Variants in SEPTIN9 observed in about 807,000 individuals in gnomAD.
The protein encoded by SEPTIN9 is septin-9.
A neutral mutation model predicts 56.6 loss-of-function variants in SEPTIN9; 13 were observed. The observed-to-expected ratio is 0.23, with a 90% CI of 0.15 to 0.37. The LOEUF is 0.37. Ranked by LOEUF, SEPTIN9 falls within the 10% of genes least tolerant of loss-of-function variation. The pLI is 1.00. For synonymous variants in SEPTIN9, 332 were observed against 334.1 expected (o/e 0.99, Z 0.07); for missense variants, 650 against 823.1 (o/e 0.79, Z 2.57).
At chr17:77,438,970 T>C (rs185729470) in intron 3 of SEPTIN9, among the ~76,000 whole-genome samples, 185 of 152,296 alleles carry the variant, frequency 1.2e-3, no homozygotes, top group African/African-American at 4.2e-3. Context: ...ATTTCCCCTT[T>C]TGACAAATGA....
chr17:77,335,978 A>G (rs2033536755), intron 2 of SEPTIN9, among the ~76,000 whole-genome samples: 1 of 109,014 alleles, frequency 9.2e-6, no homozygotes, highest in East Asian at 3.0e-4. Context: ...TGTTGACTGT[A>G]TATGTGGTCC....
In SEPTIN9 at chr17:77,330,175, C is replaced by T. The variant is rs909612444; in HGVS notation, c.76+22978C>T. 6.6e-6 allele frequency among the ~76,000 whole-genome samples: 1 copy of T among 152,214 alleles called. No individual in the cohort carries two copies. The highest frequency in any genetic ancestry group is 2.4e-5 in the African/African-American group (1 of 41,454). On this transcript the variant is annotated intron_variant, in intron 2 of 11. Transcript: ENST00000427177. This position sits in a 1 kb window ranked among gnomAD's most constrained non-coding sequence, Gnocchi z 4.4. ...CGCTGGGTGTTCCTGATGCTCTGTC[C>T]CCTCTGCGTCCTGTGCCGTGGGTGA...
At chr17:77,493,602 G>A (rs1254642399) in intron 10 of SEPTIN9, among the ~76,000 whole-genome samples, 1 of 152,070 alleles carries the variant, frequency 6.6e-6, no homozygotes, top group Non-Finnish European at 1.5e-5. Context: ...GAAATCAGGG[G>A]CTGTTTCCTT....
At chr17:77,395,066 G>A (rs2035660412) in intron 2 of SEPTIN9, among the ~76,000 whole-genome samples, 2 of 147,668 alleles carry the variant, frequency 1.4e-5, no homozygotes, top group African/African-American at 5.4e-5. Context: ...GTCTGTGTAT[G>A]TGTGTGTTTT....
intron 2 of SEPTIN9, among the ~76,000 whole-genome samples, chr17:77,332,300 C>A (rs1403849637): frequency 6.6e-6 from 1 of 150,566 alleles, no homozygotes; most frequent in African/African-American, 2.4e-5. Flanking sequence ...AACAAAACCA[C>A]AAAAAAGAAA....
At chr17:77,438,863 C>G (rs1598376633) in intron 3 of SEPTIN9, among the ~76,000 whole-genome samples, 1 of 152,324 alleles carries the variant, frequency 6.6e-6, no homozygotes, top group African/African-American at 2.4e-5. Flanking sequence ...ATCTCAAGCT[C>G]TGGGAGATTC....
chr17:77,321,711 C>T (rs186049104), intron 2 of SEPTIN9, among the ~76,000 whole-genome samples: 6 of 152,306 alleles, frequency 3.9e-5, no homozygotes, highest in East Asian at 1.9e-4. Context: ...TTGATTGTCA[C>T]GTTGGGACTG....
At chr17:77,484,713 GGGT>G (rs1346796210) in intron 4 of SEPTIN9, among the ~76,000 whole-genome samples, 2 of 61,522 alleles carry the variant, frequency 3.3e-5, no homozygotes, top group African/African-American at 8.2e-5. Flanking sequence ...GTGGTGATGT[GGGT>G]GGTGGTGGTG....
intron 2 of SEPTIN9, among the ~76,000 whole-genome samples, chr17:77,379,365 G>C (rs2035058567): frequency 6.6e-6 from 1 of 152,032 alleles, no homozygotes; most frequent in Admixed American, 6.6e-5. Flanking sequence ...GGTCTCGTCG[G>C]CTGTCTTGGT....
At chr17:77,481,138 T>A (rs2039437761) in intron 3 of SEPTIN9, among the ~76,000 whole-genome samples, 1 of 152,208 alleles carries the variant, frequency 6.6e-6, no homozygotes, top group Non-Finnish European at 1.5e-5. Context: ...ACCTGGGTCC[T>A]CAGCAGGCGT....
In SEPTIN9 at chr17:77,405,004, C is replaced by G; in HGVS notation, c.721+2301C>G. 1.5e-6 allele frequency: 2 copies of G among 1,349,666 alleles called. No individual in the cohort carries two copies. Among genetic ancestry groups the G allele is most frequent in the South Asian group, 1.3e-5 (1 of 76,184 alleles). 83.6% of individuals were successfully genotyped at this position (1,349,666 alleles called of 1,614,324 possible). A position where few individuals can be genotyped will look rare whatever the true frequency, so the allele number is the denominator to read the frequency against. ...TTGTTTGACGTGCCGGATACACCCC[C>G]ATCCTGGGTTGATGTGTTCACACTC... On this transcript the variant is annotated intron_variant, in intron 3 of 11. Coordinates refer to ENST00000427177, the MANE Select transcript of SEPTIN9 (RefSeq NM_001113491.2). This position sits in a 1 kb window ranked among gnomAD's most constrained non-coding sequence, Gnocchi z 5.8.
chr17:77,430,684 C>A (rs760972484), intron 3 of SEPTIN9, among the ~76,000 whole-genome samples: 4 of 152,132 alleles, frequency 2.6e-5, no homozygotes, highest in Admixed American at 6.5e-5. Context: ...TGCCAAGGGG[C>A]AGAGGTTAGA....
chr17:77,413,021 A>G (rs550500075), intron 3 of SEPTIN9, among the ~76,000 whole-genome samples: 22 of 152,184 alleles, frequency 1.4e-4, no homozygotes, highest in Non-Finnish European at 2.8e-4. Context: ...TGGTTTCAGC[A>G]GCGAGGTAGG....
At chr17:77,333,444 C>A (rs191312254) in intron 2 of SEPTIN9, among the ~76,000 whole-genome samples, 3 of 152,286 alleles carry the variant, frequency 2.0e-5, no homozygotes, top group Non-Finnish European at 4.4e-5. Flanking sequence ...CCAAGCAGGT[C>A]TGAAACTCCT....
chr17:77,311,992 G>A (rs903228849), intron 2 of SEPTIN9, among the ~76,000 whole-genome samples: 1 of 152,168 alleles, frequency 6.6e-6, no homozygotes, highest in African/African-American at 2.4e-5. Flanking sequence ...AAATCTCAGA[G>A]TTGACCTTGA....
chr17:77,320,363 C>A (rs1483875201), intron 2 of SEPTIN9: 1 of 1,609,964 alleles, frequency 6.2e-7, no homozygotes, highest in East Asian at 2.2e-5. Context: ...GCAGACAGCC[C>A]CCTCCCCATC....
chr17:77,486,920 G>C (rs2143328882), intron 4 of SEPTIN9, among the ~76,000 whole-genome samples: 1 of 152,320 alleles, frequency 6.6e-6, no homozygotes, highest in Middle Eastern at 3.4e-3. Flanking sequence ...TCAGGAAACT[G>C]AGACACGGTG....
At chr17:77,423,315 C>T (rs139652006) in intron 3 of SEPTIN9, among the ~76,000 whole-genome samples, 296 of 152,320 alleles carry the variant, frequency 1.9e-3, no homozygotes, top group African/African-American at 7.0e-3. Flanking sequence ...GGACTACAGG[C>T]GTGAGCCACT....
chr17:77,464,842 C>T (rs1283056474), intron 3 of SEPTIN9, among the ~76,000 whole-genome samples: 5 of 151,948 alleles, frequency 3.3e-5, no homozygotes, highest in Admixed American at 2.6e-4. Flanking sequence ...ATCCACCCGC[C>T]TCAGCCTCCC....
Sources: gnomAD v4.1 joint callset for allele counts (sites outside exome capture counted in the v4.1 genomes callset) on GRCh38, gnomAD v4.1.1 for gene constraint, Gnocchi (gnomAD v3.1) non-coding constraint, MANE v1.5 for transcripts, NCBI Gene and HGNC (gene_info 2026-07-23, HGNC 2026-07-21) for gene names.